The following HMCN1 variants were observed in gnomAD, a reference collection of about 807,000 sequenced individuals.
The protein encoded by HMCN1 is hemicentin 1, also known as hemicentin-1.
A neutral mutation model predicts 625.9 loss-of-function variants in HMCN1; 321 were observed. The ratio of observed to expected loss-of-function variants is 0.51; its 90% CI spans 0.47 to 0.56. The LOEUF (loss-of-function observed/expected upper bound fraction) is 0.56. Among genes scored for constraint, HMCN1 ranks in the 20% least tolerant of loss-of-function variants. The probability of loss-of-function intolerance (pLI) is 0.00; values close to 1 mark genes in which losing one functional copy is unlikely to be tolerated. For missense variants in HMCN1, 6,588 were observed against 6,887.3 expected (o/e 0.96, Z 1.54); for synonymous variants, 2,425 against 2,417.6 (o/e 1.00, Z -0.09).
intron 4 of HMCN1, among the ~76,000 whole-genome samples, chr1:185,866,543 T>C (rs540070275): frequency 6.6e-6 from 1 of 151,726 alleles, no homozygotes; most frequent in Admixed American, 6.6e-5. Flanking sequence ...TAGCTGGGAC[T>C]ACAGGCGCCC....
intron 61 of HMCN1, 25 bp downstream of exon 61, chr1:186,088,038 T>G: frequency 6.2e-7 from 1 of 1,611,758 alleles, no homozygotes; most frequent in Non-Finnish European, 8.5e-7. Flanking sequence ...CTAATACAAC[T>G]CTTTTTCCCC....
intron 1 of HMCN1, among the ~76,000 whole-genome samples, chr1:185,741,983 T>G (rs1385645458): frequency 6.6e-6 from 1 of 152,220 alleles, no homozygotes; most frequent in Non-Finnish European, 1.5e-5. Context: ...AATATATTGC[T>G]GTGTCCAACT....
At chr1:186,023,234 C>T (rs1654835527) in intron 36 of HMCN1, 81 bp downstream of exon 36, 1 of 1,244,892 alleles carries the variant, frequency 8.0e-7, no homozygotes, top group South Asian at 1.2e-5. Flanking sequence ...TATTGAATTA[C>T]AGTATAAAAG....
chr1:186,183,253 A>G (rs1270031498), intron 105 of HMCN1, among the ~76,000 whole-genome samples: 2 of 152,200 alleles, frequency 1.3e-5, no homozygotes, highest in African/African-American at 4.8e-5. Flanking sequence ...GGGATTCACA[A>G]AAGACTTGCT....
chr1:185,860,241 G>C (rs780138969), intron 2 of HMCN1, among the ~76,000 whole-genome samples: 21 of 151,986 alleles, frequency 1.4e-4, no homozygotes, highest in Non-Finnish European at 2.5e-4. Flanking sequence ...ATTATTTTTT[G>C]AAGAATTTTA....
chr1:186,167,967 C>A (rs1310072005), intron 100 of HMCN1, among the ~76,000 whole-genome samples: 1 of 151,850 alleles, frequency 6.6e-6, no homozygotes, highest in Non-Finnish European at 1.5e-5. Flanking sequence ...GACAGTGGAT[C>A]CAAAACTGAA....
chr1:185,802,964 G>A (rs1658897827), intron 1 of HMCN1, among the ~76,000 whole-genome samples: 1 of 151,798 alleles, frequency 6.6e-6, no homozygotes, highest in African/African-American at 2.4e-5. Flanking sequence ...AAAAGAGGGA[G>A]TATTTGGATA....
At chr1:186,048,394 T>C (rs189549935) in intron 41 of HMCN1, among the ~76,000 whole-genome samples, 4 of 152,296 alleles carry the variant, frequency 2.6e-5, no homozygotes, top group Admixed American at 2.0e-4. Context: ...GTTATTTTAC[T>C]GGACAGTTTC....
chr1:186,163,251 C>T (rs1318429538), intron 97 of HMCN1, among the ~76,000 whole-genome samples: 5 of 152,222 alleles, frequency 3.3e-5, no homozygotes, highest in Non-Finnish European at 7.3e-5. Flanking sequence ...ATTTTTTAAG[C>T]CTGTCAGAAA....
Position 186,115,357 on chromosome 1 carries a change from T to A in HMCN1, c.11504T>A (p.Ile3835Asn). ...CEATGIPKPS[I>N]NWRKNGHLLN... ...GCTACTGGGATACCAAAACCATCAA[T>A]CAATTGGAGAAAAAATGGGCATCTT... Residue 3835 changes from isoleucine (I) to asparagine (N), a missense_variant, in exon 75 of 107, where the codon ATC becomes AAC. Around this residue, in one of 3 missense-constraint regions of HMCN1, gnomAD observed 4,628 missense variants for 4,853.1 expected, o/e 0.95. Coordinates refer to ENST00000271588, the MANE Select transcript of HMCN1 (RefSeq NM_031935.3). The A allele has an allele frequency of 6.2e-7, 1 of 1,613,932 alleles. No homozygotes were observed. Among genetic ancestry groups the A allele is most frequent in the East Asian group, 2.2e-5 (1 of 44,858 alleles).
At position 185,903,465 on chromosome 1, in the gene HMCN1, T is replaced by A. The variant is rs893105678; in HGVS notation, c.622-5872T>A. 4.6e-5 allele frequency among the ~76,000 whole-genome samples: 7 copies of A among 151,754 alleles called. No individual in the cohort carries two copies. The Admixed American group carries it at 4.6e-4, about 10-fold the overall frequency. On this transcript the variant is annotated intron_variant, in intron 4 of 106. Transcript: ENST00000271588. ...TCCAGCAGAAAGTCTGTTTTTTTTT[T>A]AAATCCTGTAAATTATTTCTTATTT...
At chr1:186,049,831 A>C (rs761797716) in intron 42 of HMCN1, among the ~76,000 whole-genome samples, 3 of 151,968 alleles carry the variant, frequency 2.0e-5, no homozygotes, top group African/African-American at 4.8e-5. Flanking sequence ...AAAATGACTT[A>C]TAAATAAATG....
At chr1:185,910,360 CT>C (rs1168185310) in intron 5 of HMCN1, among the ~76,000 whole-genome samples, 1 of 152,032 alleles carries the variant, frequency 6.6e-6, no homozygotes, top group Non-Finnish European at 1.5e-5. Context: ...CAAGTTTGAG[CT>C]TATAAATGGA....
chr1:185,745,364 A>C (rs1004340814), intron 1 of HMCN1, among the ~76,000 whole-genome samples: 30 of 152,280 alleles, frequency 2.0e-4, no homozygotes, highest in African/African-American at 7.2e-4. Context: ...AACTGTGGTG[A>C]TAGACTGTTT....
Position 185,847,231 on chromosome 1 carries a change from A to G in HMCN1, c.339+1135A>G, listed in dbSNP as rs549450163. On this transcript the variant is annotated intron_variant, in intron 2 of 106. Transcript: ENST00000271588. The stretch of plus-strand genomic sequence containing the variant: ...TTCCTGAATGACCTCAACTGTCTGC[A>G]TTATTCATGCTTATCCACGAGTGGC... Among the ~76,000 whole-genome samples, 186 of 152,148 alleles carry G rather than the reference A, an allele frequency of 1.2e-3. 3 individuals are homozygous for G. The highest frequency in any genetic ancestry group is 6.5e-4 in the Admixed American group (10 of 15,288).
chr1:186,001,739 TA>T lies in HMCN1; in HGVS notation c.4347del (p.Val1450PhefsTer5), dbSNP rs754552996. Reference protein sequence around the residue: ...TSQKYFNIDVLVPPTIIGTNF... With the variant: ...TSQKYFNIDVXVPPTIIGTNF... Reference sequence around the variant, plus strand: ...CAGAAGTACTTTAACATTGATGTGCTAGGTAAGAAATACATCCTTTTAAAAA... The same window carrying T: ...CAGAAGTACTTTAACATTGATGTGCTGGTAAGAAATACATCCTTTTAAAAA... On this transcript the variant is annotated frameshift_variant and splice_region_variant, in exon 28 of 107. Transcript: ENST00000271588. LOFTEE classifies it high-confidence loss of function. The T allele has an allele frequency of 6.2e-7, 1 of 1,611,174 alleles. No homozygotes were observed.
At chr1:185,833,151 C>CT (rs1420071963) in intron 1 of HMCN1, among the ~76,000 whole-genome samples, 1 of 152,096 alleles carries the variant, frequency 6.6e-6, no homozygotes, top group Non-Finnish European at 1.5e-5. Context: ...AGGATTATGT[C>CT]TTTTTCTTCC....
At chr1:185,969,555 T>G (rs985215927) in intron 14 of HMCN1, among the ~76,000 whole-genome samples, 11 of 152,136 alleles carry the variant, frequency 7.2e-5, no homozygotes, top group African/African-American at 2.7e-4. Flanking sequence ...CATTCCAAGG[T>G]CAGATGGCTG....
intron 14 of HMCN1, among the ~76,000 whole-genome samples, chr1:185,966,887 T>A (rs1391372090): frequency 2.0e-5 from 3 of 152,014 alleles, no homozygotes; most frequent in Non-Finnish European, 4.4e-5. Context: ...ATAATATAAA[T>A]CAAAAGCAAG....
Sources: gnomAD v4.1 joint callset for allele counts (sites outside exome capture counted in the v4.1 genomes callset) on GRCh38, gnomAD v4.1.1 for gene constraint, gnomAD v4.1.1 regional missense constraint, MANE v1.5 for transcripts, NCBI Gene and HGNC (gene_info 2026-07-23, HGNC 2026-07-21) for gene names.